Variants in FREM3 observed in about 807,000 individuals in gnomAD.
The protein encoded by FREM3 is FRAS1 related extracellular matrix 3, also known as FRAS1-related extracellular matrix protein 3.
In FREM3, 105 loss-of-function variants were observed where a neutral mutation model predicts 129.1. The ratio of observed to expected loss-of-function variants is 0.81; its 90% CI spans 0.69 to 0.96. FREM3 has a LOEUF of 0.96. FREM3 is among the 40% of genes least tolerant of loss of function. The pLI, the probability that FREM3 is intolerant of heterozygous loss-of-function variation, is 0.00. For missense variants in FREM3, 2,593 were observed against 2,666.3 expected, an observed-to-expected ratio of 0.97 and a Z score of 0.61; for synonymous variants, 1,014 against 1,044.9, an observed-to-expected ratio of 0.97 and a Z score of 0.57.
intron 6 of FREM3, among the ~76,000 whole-genome samples, chr4:143,606,964 A>C (rs1273697983): frequency 1.3e-5 from 2 of 152,126 alleles, no homozygotes; most frequent in Non-Finnish European, 2.9e-5. Flanking sequence ...CCTGAGTTGC[A>C]ATGGCTGAAA....
chr4:143,652,847 T>C (rs895746983), intron 2 of FREM3, among the ~76,000 whole-genome samples: 1 of 152,194 alleles, frequency 6.6e-6, no homozygotes, highest in Non-Finnish European at 1.5e-5. Flanking sequence ...CAGGCTAGTC[T>C]TGAACTCCTG....
chr4:143,612,298 T>A (rs1400994849), intron 5 of FREM3, among the ~76,000 whole-genome samples: 1 of 152,244 alleles, frequency 6.6e-6, no homozygotes, highest in Non-Finnish European at 1.5e-5. Flanking sequence ...TCATTATAGA[T>A]TTATTTGCCT....
intron 2 of FREM3, among the ~76,000 whole-genome samples, chr4:143,658,093 G>C (rs1739633139): frequency 6.6e-6 from 1 of 152,186 alleles, no homozygotes; most frequent in South Asian, 2.1e-4. Context: ...GTCTCTACCT[G>C]CATAATCTGG....
chr4:143,674,974 A>C (rs1740081769), intron 2 of FREM3, among the ~76,000 whole-genome samples: 1 of 152,234 alleles, frequency 6.6e-6, no homozygotes, highest in South Asian at 2.1e-4. Flanking sequence ...AACATTAGAC[A>C]GATCAACGAG....
intron 2 of FREM3, among the ~76,000 whole-genome samples, chr4:143,648,946 T>G (rs1480076139): frequency 6.6e-6 from 1 of 152,078 alleles, no homozygotes; most frequent in East Asian, 1.9e-4. Context: ...ATTAAAAAAA[T>G]AGAGATAGGG....
Position 143,627,597 on chromosome 4 carries a change from A to T in FREM3, c.5422+17T>A. The T allele has an allele frequency of 1.3e-6, 2 of 1,531,806 alleles. No homozygotes were observed. The highest frequency in any genetic ancestry group is 1.8e-6 in the Non-Finnish European group (2 of 1,142,268). The allele number at this position is 1,531,806 out of a possible 1,614,324, so 94.9% of individuals were successfully genotyped here. On this transcript the variant is annotated intron_variant, in intron 3 of 7. Coordinates refer to ENST00000329798, the MANE Select transcript of FREM3 (RefSeq NM_001168235.2). ...TTTCCATGACCTTTTACCAACAACC[A>T]ATCCAAAGTTACTTACTGATAAATG...
chr4:143,584,540 T>C (rs575715566), intron 7 of FREM3, among the ~76,000 whole-genome samples: 47 of 152,120 alleles, frequency 3.1e-4, no homozygotes, highest in African/African-American at 1.1e-3. Flanking sequence ...AGACAGGCAT[T>C]ATATAATCGT....
chr4:143,606,779 A>G lies in FREM3; in HGVS notation c.6028+4500T>C, dbSNP rs188806782. On this transcript the variant is annotated intron_variant, in intron 6 of 7. Transcript: ENST00000329798. ...TTTATTTCTAAGATTTCATGCTTCTATGAATCTAGAAGGATTTTTTTTTAT... is the reference window on the plus strand; with the variant it reads ...TTTATTTCTAAGATTTCATGCTTCTGTGAATCTAGAAGGATTTTTTTTTAT... Among the ~76,000 whole-genome samples, 51 of 132,952 alleles carry G rather than the reference A, an allele frequency of 3.8e-4. 1 individual carries two copies. The highest frequency in any genetic ancestry group is 4.6e-4 in the Non-Finnish European group (28 of 61,118). The allele number at this position is 132,952 out of a possible 152,430, so 87.2% of individuals were successfully genotyped here. A position where few individuals can be genotyped will look rare whatever the true frequency, so the allele number is the denominator to read the frequency against.
rs1253324347 is a variant in FREM3, at chr4:143,624,148, A to T, written c.5613T>A (p.Phe1871Leu). The change falls in exon 4 of 8, where the codon TTT becomes TTA. Residue 1871 changes from phenylalanine to leucine, a missense_variant. Physicochemically the swap from Phe to Leu is conservative, Grantham distance 22. Around this residue, in one of 2 missense-constraint regions of FREM3, gnomAD observed 317 missense variants for 399.0 expected, o/e 0.79. Transcript: ENST00000329798. ...CAATTTCAACCGTTGCCATTTCTGG[A>T]AACTCCAGTACAGCCATGAGAGGTT... ...LSEPLMAVLE[F>L]PEMATVEIVD... is the part of the protein sequence containing the mutation. 6.5e-7 allele frequency: 1 copy of T among 1,536,712 alleles called. No homozygotes were observed. Among genetic ancestry groups the T allele is most frequent in the Non-Finnish European group, 8.7e-7 (1 of 1,146,448 alleles).
intron 2 of FREM3, among the ~76,000 whole-genome samples, chr4:143,684,708 AG>A (rs1287556443): frequency 1.3e-5 from 2 of 152,274 alleles, no homozygotes; most frequent in Non-Finnish European, 2.9e-5. Context: ...TAAGCTAATC[AG>A]GGAGGGACCA....
At chr4:143,621,190 C>G in intron 4 of FREM3, 28 bp from the exon 5 acceptor site, 1 of 1,535,212 alleles carries the variant, frequency 6.5e-7, no homozygotes, top group South Asian at 1.2e-5. Flanking sequence ...AGACTTTTCA[C>G]CAAGATTTAG....
Position 143,697,942 on chromosome 4 carries a change from T to A in FREM3, c.2734A>T (p.Ser912Cys). The A allele has an allele frequency of 1.3e-6, 2 of 1,537,858 alleles. No individual in the cohort carries two copies. Among genetic ancestry groups the A allele is most frequent in the Non-Finnish European group, 1.7e-6 (2 of 1,147,044 alleles). ...CTTACTTCCAGATGGAAAGTGTCACTGGTAGTCGTCTGGTCTCTGCCATGC... is the reference window on the plus strand; with the variant it reads ...CTTACTTCCAGATGGAAAGTGTCACAGGTAGTCGTCTGGTCTCTGCCATGC... ...YQHGRDQTTT[S>C]DTFHLEVSDG... The change falls in exon 1 of 8, where the codon AGT becomes TGT. Residue 912 changes from serine (S) to cysteine (C), a missense_variant. Physicochemically the swap from Ser to Cys is moderately radical, Grantham distance 112. Around this residue, in one of 2 missense-constraint regions of FREM3, gnomAD observed 2,276 missense variants for 2,267.2 expected, o/e 1.00. Coordinates refer to ENST00000329798, the MANE Select transcript of FREM3 (RefSeq NM_001168235.2).
At chr4:143,646,362 TA>T (rs1739415579) in intron 2 of FREM3, among the ~76,000 whole-genome samples, 1 of 152,176 alleles carries the variant, frequency 6.6e-6, no homozygotes, top group Non-Finnish European at 1.5e-5. Context: ...TACTAAGCAT[TA>T]GTTGGTTTTC....
At chr4:143,596,247 C>T (rs1738482600) in intron 6 of FREM3, among the ~76,000 whole-genome samples, 1 of 152,210 alleles carries the variant, frequency 6.6e-6, no homozygotes, top group African/African-American at 2.4e-5. Flanking sequence ...GTTTTCTGCA[C>T]ATCTGTCCAG....
At chr4:143,627,884 A>AT (rs1739070907) in intron 2 of FREM3, 124 bp from the exon 3 acceptor site, 4 of 660,174 alleles carry the variant, frequency 6.1e-6, no homozygotes, top group Non-Finnish European at 1.0e-5. Flanking sequence ...ATTTTATTTT[A>AT]TTTTTTTGGT....
chr4:143,591,179 CA>C (rs1476052590), intron 6 of FREM3, among the ~76,000 whole-genome samples: 3 of 152,060 alleles, frequency 2.0e-5, no homozygotes, highest in Non-Finnish European at 4.4e-5. Context: ...TTGATCTTTT[CA>C]AAAAACCAGC....
At chr4:143,597,175 C>T (rs947319921) in intron 6 of FREM3, among the ~76,000 whole-genome samples, 3 of 151,998 alleles carry the variant, frequency 2.0e-5, no homozygotes, top group Non-Finnish European at 4.4e-5. Flanking sequence ...AGCAAAAAAT[C>T]GTTGGCGAGA....
In FREM3 at chr4:143,696,708, T is replaced by A. The variant is rs1578874938; in HGVS notation, c.3968A>T (p.Glu1323Val). 3.9e-6 allele frequency: 6 copies of A among 1,537,912 alleles called. No homozygotes were observed. The highest frequency in any genetic ancestry group is 4.4e-6 in the Non-Finnish European group (5 of 1,147,072). Residue 1323 changes from glutamate (E) to valine (V), a missense_variant, in exon 1 of 8, where the codon GAG (glutamate) becomes GTG (valine). Glu to Val is a moderately radical substitution (Grantham distance 121). Coordinates refer to ENST00000329798, the MANE Select transcript of FREM3 (RefSeq NM_001168235.2). ...NGLKVEKGHS[E>V]IITNRILKAT... is the part of the protein sequence containing the mutation. ...CTTGAGGATCCGATTTGTGATGATC[T>A]CAGAGTGTCCTTTCTCTACCTTCAG...
intron 2 of FREM3, among the ~76,000 whole-genome samples, chr4:143,638,366 AG>A (rs1167365384): frequency 2.0e-5 from 3 of 152,176 alleles, no homozygotes; most frequent in Non-Finnish European, 2.9e-5. Flanking sequence ...TTGGGAGTTG[AG>A]GCTCCACATG....
Sources: allele counts gnomAD v4.1 joint callset (sites outside exome capture counted in the v4.1 genomes callset), GRCh38; gene constraint gnomAD v4.1.1; regional missense constraint gnomAD v4.1.1; transcripts MANE v1.5; gene names NCBI Gene and HGNC (gene_info 2026-07-23, HGNC 2026-07-21).